COL22A1: variants seen among roughly 807,000 people sequenced by gnomAD.
COL22A1 encodes the protein collagen type XXII alpha 1 chain, also known as collagen alpha-1(XXII) chain.
Under a neutral mutation model 248.9 loss-of-function variants are expected in COL22A1, and 221 were observed. The ratio of observed to expected loss-of-function variants is 0.89; its 90% CI spans 0.80 to 0.99. The LOEUF (loss-of-function observed/expected upper bound fraction) is 0.99. Ranked by LOEUF, COL22A1 falls within the 50% of genes least tolerant of loss-of-function variation. The pLI, the probability that COL22A1 is intolerant of heterozygous loss-of-function variation, is 0.00. For synonymous variants in COL22A1, 891 were observed against 793.4 expected (o/e 1.12, Z -2.07); for missense variants, 2,240 against 2,179.0 (o/e 1.03, Z -0.56).
chr8:138,815,892 G>T (rs1818644396), intron 7 of COL22A1, among the ~76,000 whole-genome samples: 1 of 152,096 alleles, frequency 6.6e-6, no homozygotes. Context: ...CCCTTCTCAG[G>T]CCCATGTTGG....
At position 138,807,351 on chromosome 8, in the gene COL22A1, C is replaced by A. The variant is rs752440122; in HGVS notation, c.1494+417G>T. ...CTGAGGACAGAGGGGCCCTACCTGG[C>A]TTGGTGCAATTAGTGAATTTGGAAA... On this transcript the variant is annotated intron_variant, in intron 10 of 64. Transcript: ENST00000303045. Among the ~76,000 whole-genome samples the A allele has an allele frequency of 3.3e-5, 5 of 152,140 alleles. No individual in the cohort carries two copies. The South Asian group carries it at 8.3e-4, about 25-fold the overall frequency.
At chr8:138,727,136 T>G (rs1156478397) in intron 23 of COL22A1, among the ~76,000 whole-genome samples, 1 of 152,092 alleles carries the variant, frequency 6.6e-6, no homozygotes. Context: ...TGGCTCTGAT[T>G]TTCTAAAGGG....
chr8:138,695,962 C>G (rs1827474258), intron 32 of COL22A1, among the ~76,000 whole-genome samples: 1 of 152,094 alleles, frequency 6.6e-6, no homozygotes, highest in Non-Finnish European at 1.5e-5. Context: ...TCTTGGGAGC[C>G]CTGGCCCTCT....
chr8:138,620,961 CCA>C (rs1819739237), intron 52 of COL22A1, among the ~76,000 whole-genome samples: 1 of 90,862 alleles, frequency 1.1e-5, no homozygotes, highest in East Asian at 3.2e-4. Context: ...ATCCATCCAT[CCA>C]TCCATCCATC....
In COL22A1 at chr8:138,589,339, G is replaced by A. The variant is rs1417151006; in HGVS notation, c.4795C>T (p.Pro1599Ser). ...PAGHPGLPGP[P>S]GPPGQCDPSQ... ...GGGTCACATTGGCCTGGGGGACCGGGAGGTCCTGGGAGGCCAGGATGTCCA... is the reference window on the plus strand; with the variant it reads ...GGGTCACATTGGCCTGGGGGACCGGAAGGTCCTGGGAGGCCAGGATGTCCA... The change falls in exon 65 of 65, where the codon CCC becomes TCC. Residue 1599 changes from proline (P) to serine (S), a missense_variant. By Grantham distance (74) the Pro-to-Ser change is moderately conservative (BLOSUM62 -1). Coordinates refer to ENST00000303045, the MANE Select transcript of COL22A1 (RefSeq NM_152888.3). 1.2e-6 allele frequency: 2 copies of A among 1,611,910 alleles called. No homozygotes were observed. Among genetic ancestry groups the A allele is most frequent in the African/African-American group, 1.3e-5 (1 of 74,792 alleles).
At chr8:138,708,466 C>G (rs1429226849) in intron 30 of COL22A1, among the ~76,000 whole-genome samples, 1 of 152,092 alleles carries the variant, frequency 6.6e-6, no homozygotes, top group Non-Finnish European at 1.5e-5. Context: ...AGAACAGAGC[C>G]CTCAGAAATA....
intron 22 of COL22A1, 111 bp from the exon 23 acceptor site, chr8:138,737,688 G>A: frequency 2.8e-6 from 2 of 708,942 alleles, no homozygotes; most frequent in South Asian, 3.3e-5. Context: ...CAACCTCCCA[G>A]ATTAACAATT....
intron 30 of COL22A1, among the ~76,000 whole-genome samples, chr8:138,710,530 C>T (rs1446386912): frequency 1.3e-5 from 2 of 151,980 alleles, no homozygotes; most frequent in African/African-American, 2.4e-5. Context: ...TTGATTCCAG[C>T]TCCTGGTTTA....
intron 12 of COL22A1, among the ~76,000 whole-genome samples, chr8:138,791,280 G>A (rs1816010051): frequency 6.6e-6 from 1 of 152,178 alleles, no homozygotes; most frequent in Admixed American, 6.5e-5. Context: ...ATAACAGGAA[G>A]GCAGAGATAT....
At chr8:138,779,723 C>T (rs1382559996) in intron 13 of COL22A1, among the ~76,000 whole-genome samples, 161 bp from the exon 14 acceptor site, 1 of 152,184 alleles carries the variant, frequency 6.6e-6, no homozygotes. Context: ...CCCTCAGATG[C>T]TATTTCTATA....
intron 1 of COL22A1, among the ~76,000 whole-genome samples, chr8:138,887,367 G>A (rs1049248136): frequency 6.6e-6 from 1 of 151,974 alleles, no homozygotes; most frequent in Non-Finnish European, 1.5e-5. Context: ...GGGATTACAG[G>A]TGTCTGCCAC....
intron 32 of COL22A1, among the ~76,000 whole-genome samples, chr8:138,696,013 T>C (rs79859461): frequency 0.02 from 3,034 of 152,204 alleles, 38 homozygotes; most frequent in Middle Eastern, 0.048. Flanking sequence ...TAGTTACCCA[T>C]ACGGACCCCA....
chr8:138,784,907 A>G (rs1020913373), intron 12 of COL22A1, among the ~76,000 whole-genome samples: 1 of 152,154 alleles, frequency 6.6e-6, no homozygotes, highest in African/African-American at 2.4e-5. Flanking sequence ...CAGGCCCTAG[A>G]GTGTGCTTCC....
At chr8:138,657,335 A>G (rs112733039) in intron 44 of COL22A1, among the ~76,000 whole-genome samples, 8 of 152,362 alleles carry the variant, frequency 5.3e-5, no homozygotes, top group African/African-American at 1.9e-4. Flanking sequence ...TAGGAAGTTA[A>G]TAATAGGAAA....
At chr8:138,885,049 G>A (rs1321974819) in intron 1 of COL22A1, among the ~76,000 whole-genome samples, 1 of 152,072 alleles carries the variant, frequency 6.6e-6, no homozygotes, top group African/African-American at 2.4e-5. Flanking sequence ...CACACACAGG[G>A]GAAGCGAGCT....
chr8:138,725,491 C>A, intron 23 of COL22A1, 51 bp from the exon 24 acceptor site: 1 of 1,504,496 alleles, frequency 6.6e-7, no homozygotes. Flanking sequence ...GATGAGCCTC[C>A]TAGGGACAGT....
chr8:138,873,750 A>AT (rs773810309), intron 3 of COL22A1, among the ~76,000 whole-genome samples: 30 of 151,602 alleles, frequency 2.0e-4, no homozygotes, highest in Admixed American at 4.6e-4. Context: ...TGCTTGTTGA[A>AT]TGAATGAATG....
intron 31 of COL22A1, 48 bp from the exon 32 acceptor site, chr8:138,700,192 A>G: frequency 6.3e-7 from 1 of 1,594,510 alleles, no homozygotes. Flanking sequence ...CAAGGAACCC[A>G]GTGTTTCATT....
intron 23 of COL22A1, among the ~76,000 whole-genome samples, chr8:138,730,072 G>A (rs927787363): frequency 4.6e-5 from 7 of 152,202 alleles, no homozygotes; most frequent in African/African-American, 1.7e-4. Flanking sequence ...AAGGAAGGGA[G>A]AAAACTGAAT....
Sources: gnomAD v4.1 joint callset for allele counts (sites outside exome capture counted in the v4.1 genomes callset) on GRCh38, gnomAD v4.1.1 for gene constraint, MANE v1.5 for transcripts, NCBI Gene and HGNC (gene_info 2026-07-23, HGNC 2026-07-21) for gene names.